The following SLC1A6 variants were observed in gnomAD, a reference collection of about 807,000 sequenced individuals.
SLC1A6 encodes the protein solute carrier family 1 member 6.
In SLC1A6, 15 loss-of-function variants were observed where a neutral mutation model predicts 42.1. The observed-to-expected ratio is 0.36, with a 90% CI of 0.24 to 0.55. SLC1A6 has a LOEUF of 0.55. SLC1A6 is among the 20% of genes least tolerant of loss of function. SLC1A6 has a pLI of 0.88. For synonymous variants in SLC1A6, 317 were observed against 319.7 expected, an observed-to-expected ratio of 0.99 and a Z score of 0.09; for missense variants, 542 against 772.5, an observed-to-expected ratio of 0.70 and a Z score of 3.54.
At chr19:14,987,287 C>T (rs996582372) in intron 1 of SLC1A6, among the ~76,000 whole-genome samples, 1 of 151,794 alleles carries the variant, frequency 6.6e-6, no homozygotes, top group East Asian at 1.9e-4. Flanking sequence ...ACCAACATGG[C>T]GAAATACCGT....
chr19:14,972,576 A>G, intron 2 of SLC1A6, 130 bp downstream of exon 2: 1 of 699,360 alleles, frequency 1.4e-6, no homozygotes, highest in South Asian at 1.8e-5. Context: ...GTTGAGGGTG[A>G]CTGGTGGGAC....
chr19:14,953,385 A>C (rs62116194), intron 8 of SLC1A6, among the ~76,000 whole-genome samples: 24,250 of 151,220 alleles, frequency 0.16, 2,359 homozygotes, highest in East Asian at 0.35. Flanking sequence ...CCTCCTGAGT[A>C]GCTGGGACCA....
At chr19:15,008,607 T>C (rs890907092) in intron 1 of SLC1A6, among the ~76,000 whole-genome samples, 1 of 152,126 alleles carries the variant, frequency 6.6e-6, no homozygotes, top group Non-Finnish European at 1.5e-5. Context: ...CATCCACACT[T>C]ACATGTTTAT....
Position 14,961,975 on chromosome 19 carries a change from A to T in SLC1A6, c.935+27T>A, listed in dbSNP as rs3827000. 1,070,429 of 1,575,886 alleles carry T rather than the reference A, an allele frequency of 0.68. 365,916 individuals carry two copies. Among genetic ancestry groups the T allele is most frequent in the African/African-American group, 0.84 (61,871 of 73,708 alleles). On this transcript the variant is annotated intron_variant, in intron 6 of 9. Coordinates refer to ENST00000594383, the MANE Select transcript of SLC1A6 (RefSeq NM_005071.3). ...CTGACTTCCCAGCTCTGGCTCCACCATCCCGTGGGCACAGACCAGGACTCA... is the reference window on the plus strand; with the variant it reads ...CTGACTTCCCAGCTCTGGCTCCACCTTCCCGTGGGCACAGACCAGGACTCA...
intron 1 of SLC1A6, among the ~76,000 whole-genome samples, chr19:14,990,124 C>T (rs201030655): frequency 3.0e-5 from 1 of 33,166 alleles, no homozygotes; most frequent in African/African-American, 8.6e-5. Flanking sequence ...TATCTGCACC[C>T]CCATGCTCAT....
At chr19:14,984,932 A>G (rs1479633347) in intron 1 of SLC1A6, among the ~76,000 whole-genome samples, 2 of 152,150 alleles carry the variant, frequency 1.3e-5, no homozygotes, top group Admixed American at 1.3e-4. Flanking sequence ...CCCAGGCTGG[A>G]GTGCAGTGGT....
chr19:14,964,200 C>T lies in SLC1A6; in HGVS notation c.591+119G>A, dbSNP rs151234186. 1.7e-5 allele frequency: 14 copies of T among 807,238 alleles called. No homozygotes were observed. The African/African-American group carries it at 2.0e-4, about 12-fold the overall frequency. The allele number at this position is 807,238 out of a possible 1,614,324, so 50.0% of individuals were successfully genotyped here. A position where few individuals can be genotyped will look rare whatever the true frequency, so the allele number is the denominator to read the frequency against. On this transcript the variant is annotated intron_variant, in intron 5 of 9. Transcript: ENST00000594383. ...CCTTTCTCCTAGACTCCTCAAGAAC[C>T]CCTGCCCATTGCTCTGTCAGGCCCT...
chr19:15,008,030 C>G (rs1003201092), intron 1 of SLC1A6, among the ~76,000 whole-genome samples: 3 of 130,752 alleles, frequency 2.3e-5, no homozygotes, highest in Non-Finnish European at 3.6e-5. Context: ...TGCCCCCCCC[C>G]CAAAAAAAAA....
chr19:14,977,725 G>A (rs2045727116), intron 1 of SLC1A6: 1 of 152,244 alleles, frequency 6.6e-6, no homozygotes, highest in Non-Finnish European at 1.5e-5. Context: ...AGGCTGCAAT[G>A]AGCTATGATC....
intron 1 of SLC1A6, among the ~76,000 whole-genome samples, chr19:14,975,574 G>A (rs1002407960): frequency 2.0e-5 from 3 of 151,950 alleles, no homozygotes; most frequent in African/African-American, 7.2e-5. Flanking sequence ...GGCCAACATG[G>A]CGAAACCCCA....
intron 1 of SLC1A6, among the ~76,000 whole-genome samples, chr19:14,988,980 C>T (rs1248173140): frequency 6.6e-6 from 1 of 152,172 alleles, no homozygotes; most frequent in East Asian, 1.9e-4. Context: ...GATCGTGCCA[C>T]TGCACTCCAG....
At chr19:14,961,931 T>A in intron 6 of SLC1A6, 71 bp downstream of exon 6, 1 of 1,528,014 alleles carries the variant, frequency 6.5e-7, no homozygotes, top group Non-Finnish European at 8.8e-7. Flanking sequence ...AGCAAGCCCT[T>A]CGGCAGCTTC....
intron 1 of SLC1A6, among the ~76,000 whole-genome samples, chr19:14,992,791 G>A (rs1028218130): frequency 7.2e-5 from 11 of 152,218 alleles, no homozygotes; most frequent in Admixed American, 3.9e-4. Context: ...CAGTGCAGAC[G>A]GAGCACCCCG....
chr19:15,010,440 G>C (rs1024086326), intron 1 of SLC1A6: 1 of 478,674 alleles, frequency 2.1e-6, no homozygotes, highest in Non-Finnish European at 4.1e-6. Flanking sequence ...AGGTAACGGC[G>C]AGAGGAATGC....
At chr19:14,951,253 C>CAAAAAAAAAAAAAAAAAA (rs1164185118) in intron 9 of SLC1A6, among the ~76,000 whole-genome samples, 27 of 86,834 alleles carry the variant, frequency 3.1e-4, no homozygotes, top group East Asian at 4.1e-4. Flanking sequence ...CTCTGTCTCA[C>CAAAAAAAAAAAAAAAAAA]AAAAAAAAAA....
chr19:14,965,750 T>C (rs979319279), intron 4 of SLC1A6, among the ~76,000 whole-genome samples: 2 of 150,644 alleles, frequency 1.3e-5, no homozygotes, highest in Non-Finnish European at 2.9e-5. Context: ...CTCAGGAGGC[T>C]GACACAGGAG....
At position 15,008,025 on chromosome 19, in the gene SLC1A6, C is replaced by T. The variant is rs536901120; in HGVS notation, c.6+2460G>A. Among the ~76,000 whole-genome samples, 450 of 126,502 alleles carry T rather than the reference C, an allele frequency of 3.6e-3. 3 individuals carry two copies. The highest frequency in any genetic ancestry group is 4.5e-3 in the Non-Finnish European group (275 of 61,136). 83.0% of individuals were successfully genotyped at this position (126,502 alleles called of 152,430 possible). On this transcript the variant is annotated intron_variant, in intron 1 of 8. Coordinates refer to the SLC1A6 transcript ENST00000430939. ...GGGAAACAAGATCAAAAGTCTGCCC[C>T]CCCCCCAAAAAAAAACCAACCACAC...
At chr19:15,005,532 A>C (rs1040629541) in intron 1 of SLC1A6, among the ~76,000 whole-genome samples, 1 of 152,052 alleles carries the variant, frequency 6.6e-6, no homozygotes, top group Non-Finnish European at 1.5e-5. Flanking sequence ...AAACAAAAAA[A>C]CCAGATAACT....
intron 7 of SLC1A6, among the ~76,000 whole-genome samples, chr19:14,955,268 G>A (rs1405093864): frequency 1.3e-5 from 2 of 152,110 alleles, no homozygotes; most frequent in African/African-American, 2.4e-5. Flanking sequence ...CCTGACCAGC[G>A]TTATGGGCAA....
Sources: allele counts gnomAD v4.1 joint callset (sites outside exome capture counted in the v4.1 genomes callset), GRCh38; gene constraint gnomAD v4.1.1; transcripts MANE v1.5; gene names NCBI Gene and HGNC (gene_info 2026-07-23, HGNC 2026-07-21).